RPS12: variants seen among roughly 807,000 people sequenced by gnomAD.
RPS12 encodes small ribosomal subunit protein eS12.
A neutral mutation model predicts 17.2 loss-of-function variants in RPS12; 1 was observed. That is an observed-to-expected ratio of 0.06 (90% CI 0.02 to 0.28). RPS12 has a LOEUF of 0.28. RPS12 is among the 10% of genes least tolerant of loss of function. RPS12 has a pLI of 1.00. For missense variants in RPS12, 146 were observed against 162.1 expected (o/e 0.90, Z 0.54); for synonymous variants, 67 against 54.0 (o/e 1.24, Z -1.06).
chr6:132,817,553 C>A lies in RPS12; in HGVS notation c.*11C>A, dbSNP rs1782092490. 6.2e-7 allele frequency: 1 copy of A among 1,605,282 alleles called. No individual in the cohort carries two copies. Among genetic ancestry groups the A allele is most frequent in the African/African-American group, 1.3e-5 (1 of 74,698 alleles). On this transcript the variant is annotated 3_prime_UTR_variant, in exon 6 of 6. Coordinates refer to ENST00000230050, the MANE Select transcript of RPS12 (RefSeq NM_001016.4). ...AAATGCAAGAAATGAAGAAATAAAT[C>A]TTTGGCTCACATTCCTCATGTCTGG...
intron 4 of RPS12, 181 bp downstream of exon 4, chr6:132,816,744 C>G (rs764406666): frequency 9.1e-6 from 7 of 767,778 alleles, no homozygotes; most frequent in Non-Finnish European, 1.4e-5. Context: ...GAATTGAATC[C>G]TAATTTTGAC....
intron 3 of RPS12, chr6:132,815,379 C>G (rs749771889): frequency 3.4e-6 from 2 of 595,280 alleles, no homozygotes; most frequent in Non-Finnish European, 6.4e-6. Flanking sequence ...GTCTGACAAA[C>G]CTGTAGGTTG....
At chr6:132,816,714 A>G (rs1170065433) in intron 4 of RPS12, 151 bp downstream of exon 4, 3 of 773,938 alleles carry the variant, frequency 3.9e-6, no homozygotes, top group Non-Finnish European at 7.0e-6. Context: ...GATTGTAGGT[A>G]GAAGCATTTT....
At chr6:132,817,122 T>A in intron 5 of RPS12, 61 bp downstream of exon 5, 2 of 1,017,694 alleles carry the variant, frequency 2.0e-6, no homozygotes. Context: ...AAACCTTGTA[T>A]TGAAATAAGT....
At chr6:132,815,796 G>A (rs1263761384) in intron 3 of RPS12, 1 of 455,564 alleles carries the variant, frequency 2.2e-6, no homozygotes, top group Non-Finnish European at 4.4e-6. Context: ...TTATTGCATG[G>A]CATTTCATAA....
rs1782010681 is a variant in RPS12, at chr6:132,814,954, T to C, written c.15-18T>C. The C allele has an allele frequency of 4.5e-6, 7 of 1,542,294 alleles. No individual in the cohort carries two copies. The highest frequency in any genetic ancestry group is 5.4e-6 in the Non-Finnish European group (6 of 1,114,628). On this transcript the variant is annotated intron_variant, in intron 2 of 5. Transcript: ENST00000230050. ...GTGTGAGGATTTTAACTGATGGTTC[T>C]GATGTGTCGCGTTTAAGCATTGCTG...
intron 5 of RPS12, 88 bp from the exon 6 acceptor site, chr6:132,817,392 T>G: frequency 1.1e-6 from 1 of 898,322 alleles, no homozygotes; most frequent in Admixed American, 1.7e-5. Flanking sequence ...TAGCTAATTG[T>G]TGAAGCTCCA....
intron 3 of RPS12, chr6:132,815,369 GTC>G (rs1339005816): frequency 6.6e-6 from 4 of 606,610 alleles, no homozygotes; most frequent in East Asian, 3.9e-5. Context: ...AAACATAAGA[GTC>G]TGACAAACCT....
intron 4 of RPS12, 97 bp downstream of exon 4, chr6:132,816,660 T>C (rs1782068487): frequency 1.1e-6 from 1 of 886,012 alleles, no homozygotes; most frequent in African/African-American, 1.6e-5. Context: ...TTTGTGCAGG[T>C]GTAAACATTA....
At position 132,815,659 on chromosome 6, in the gene RPS12, G is replaced by C. The variant is rs141516241; in HGVS notation, c.131+571G>C. ...TACTCTTGAGCTGAATTTAAATGCA[G>C]TTTTAAGGTTTTACAGGACAAGTTC... is the stretch of plus-strand genomic sequence containing the variant. On this transcript the variant is annotated intron_variant, in intron 3 of 5. Coordinates refer to ENST00000230050, the MANE Select transcript of RPS12 (RefSeq NM_001016.4). 902 of 456,668 alleles carry C rather than the reference G, an allele frequency of 2.0e-3. 8 individuals are homozygous for C. Among genetic ancestry groups the C allele is most frequent in the African/African-American group, 0.017 (831 of 50,184 alleles). The allele number at this position is 456,668 out of a possible 1,614,324, so 28.3% of individuals were successfully genotyped here.
chr6:132,816,840 C>T, intron 4 of RPS12, 120 bp from the exon 5 acceptor site: 1 of 795,072 alleles, frequency 1.3e-6, no homozygotes, highest in Non-Finnish European at 2.3e-6. Context: ...TACTGAACTG[C>T]CATGAGGAAA....
chr6:132,814,668 C>G, intron 1 of RPS12, 55 bp downstream of exon 1: 1 of 1,343,286 alleles, frequency 7.4e-7, no homozygotes, highest in Non-Finnish European at 1.1e-6. Flanking sequence ...TGGCTCGTTG[C>G]GTTCTTGCTG....
chr6:132,815,450 C>G (rs77103054), intron 3 of RPS12: 2 of 480,126 alleles, frequency 4.2e-6, no homozygotes, highest in Admixed American at 2.4e-5. Context: ...CACATTACAT[C>G]TGGTAGTTTG....
intron 5 of RPS12, 61 bp downstream of exon 5, chr6:132,817,122 T>C (rs1364478464): frequency 5.9e-6 from 6 of 1,017,694 alleles, no homozygotes; most frequent in South Asian, 1.3e-5. Context: ...AAACCTTGTA[T>C]TGAAATAAGT....
intron 3 of RPS12, chr6:132,815,344 C>G: frequency 1.5e-6 from 1 of 657,086 alleles, no homozygotes; most frequent in Non-Finnish European, 2.9e-6. Context: ...TACCCCTTCA[C>G]TCCTTTTATG....
chr6:132,814,937 A>G (rs780436331), intron 2 of RPS12, 35 bp from the exon 3 acceptor site: 12 of 1,490,706 alleles, frequency 8.0e-6, no homozygotes, highest in Non-Finnish European at 1.1e-5. Context: ...TGGTGTGAGG[A>G]TTTTAACTGA....
intron 3 of RPS12, chr6:132,815,741 A>C (rs1287392169): frequency 2.2e-6 from 1 of 456,450 alleles, no homozygotes; most frequent in Non-Finnish European, 4.4e-6. Flanking sequence ...TGTTTAATGT[A>C]TTTAGTAGGT....
intron 5 of RPS12, 171 bp from the exon 6 acceptor site, chr6:132,817,309 G>A: frequency 1.3e-6 from 1 of 776,638 alleles, no homozygotes; most frequent in South Asian, 1.4e-5. Context: ...GAGCCTTAAG[G>A]ACATTGAAGT....
At chr6:132,815,535 A>G (rs534413117) in intron 3 of RPS12, 108 of 429,390 alleles carry the variant, frequency 2.5e-4, no homozygotes, top group African/African-American at 1.9e-3. Flanking sequence ...ATTTAGTAGT[A>G]TAATAGCTGT....
Sources: gnomAD v4.1 joint callset for allele counts on GRCh38, gnomAD v4.1.1 for gene constraint, MANE v1.5 for transcripts, NCBI Gene and HGNC (gene_info 2026-07-23, HGNC 2026-07-21) for gene names.